The following CLYBL variants were observed in gnomAD, a reference collection of about 807,000 sequenced individuals.
CLYBL encodes the protein citramalyl-CoA lyase, mitochondrial.
A neutral mutation model predicts 38.9 loss-of-function variants in CLYBL; 31 were observed. The observed-to-expected ratio is 0.80, with a 90% CI of 0.60 to 1.08. The LOEUF (loss-of-function observed/expected upper bound fraction) is 1.08. Among genes scored for constraint, CLYBL ranks in the 50% least tolerant of loss-of-function variants. The pLI, the probability that CLYBL is intolerant of heterozygous loss-of-function variation, is 0.00. For missense variants in CLYBL, 434 were observed against 411.6 expected (o/e 1.05, Z -0.47); for synonymous variants, 171 against 158.6 (o/e 1.08, Z -0.59).
At chr13:99,830,952 A>G (rs1298250868) in intron 2 of CLYBL, among the ~76,000 whole-genome samples, 2 of 152,242 alleles carry the variant, frequency 1.3e-5, no homozygotes, top group East Asian at 3.8e-4. Flanking sequence ...CCAAAATCCA[A>G]TGACAAGTGT....
chr13:99,842,971 T>C (rs2051120227), intron 2 of CLYBL, among the ~76,000 whole-genome samples: 1 of 152,078 alleles, frequency 6.6e-6, no homozygotes, highest in Non-Finnish European at 1.5e-5. Flanking sequence ...ATTAACCACT[T>C]ACGTTATATG....
chr13:99,712,756 C>A (rs975764682), intron 1 of CLYBL, among the ~76,000 whole-genome samples: 2 of 152,262 alleles, frequency 1.3e-5, no homozygotes, highest in East Asian at 3.9e-4. Flanking sequence ...TAAAGGAATT[C>A]CTTCTGGAGT....
intron 7 of CLYBL, among the ~76,000 whole-genome samples, chr13:99,876,892 G>A (rs754455082): frequency 4.6e-5 from 7 of 152,202 alleles, no homozygotes; most frequent in Non-Finnish European, 8.8e-5. Flanking sequence ...TAGTTCCAAT[G>A]TATGTCTTTT....
At chr13:99,726,845 G>A (rs950792528) in intron 1 of CLYBL, among the ~76,000 whole-genome samples, 2 of 152,126 alleles carry the variant, frequency 1.3e-5, no homozygotes, top group Admixed American at 6.6e-5. Flanking sequence ...CACAAAAAAG[G>A]CGTGCAAGGA....
At chr13:99,901,861 T>C (rs1336915656), downstream of CLYBL, among the ~76,000 whole-genome samples, 2 of 152,138 alleles carry the variant, frequency 1.3e-5, no homozygotes, top group African/African-American at 4.8e-5. Flanking sequence ...GGTTTCATCA[T>C]GTTGGCCAGG....
At chr13:99,645,292 C>G (rs967291024) in intron 1 of CLYBL, among the ~76,000 whole-genome samples, 1 of 151,964 alleles carries the variant, frequency 6.6e-6, no homozygotes, top group Admixed American at 6.6e-5. Flanking sequence ...GTCAGGAGAT[C>G]GAGACCATCC....
chr13:99,775,999 TA>T lies in CLYBL; in HGVS notation c.249+2995del, dbSNP rs1266568157. Among the ~76,000 whole-genome samples the T allele has an allele frequency of 1.4e-3, 204 of 151,108 alleles. 1 individual carries two copies. The highest frequency in any genetic ancestry group is 4.7e-3 in the African/African-American group (194 of 41,200). On this transcript the variant is annotated intron_variant, in intron 2 of 8. Transcript: ENST00000339105. ...TAACATGGTGAAACCCCATCTCTACTAAAAAATACAAAAAATTAGCTGGGCG... is the reference window on the plus strand; with the variant it reads ...TAACATGGTGAAACCCCATCTCTACTAAAAATACAAAAAATTAGCTGGGCG...
chr13:99,858,546 C>T (rs1251537647), intron 2 of CLYBL, among the ~76,000 whole-genome samples: 1 of 152,194 alleles, frequency 6.6e-6, no homozygotes, highest in East Asian at 1.9e-4. Context: ...GAAAACTTAC[C>T]CATTAACTAT....
At chr13:99,778,489 G>A (rs565720528) in intron 2 of CLYBL, among the ~76,000 whole-genome samples, 4 of 152,174 alleles carry the variant, frequency 2.6e-5, no homozygotes, top group Admixed American at 2.0e-4. Context: ...GACTCTCTGT[G>A]AAGTATGGGC....
At chr13:99,631,408 C>A (rs1407641749) in intron 1 of CLYBL, among the ~76,000 whole-genome samples, 1 of 148,806 alleles carries the variant, frequency 6.7e-6, no homozygotes, top group Non-Finnish European at 1.5e-5. Flanking sequence ...ATAATATATA[C>A]ATATATTACA....
In CLYBL at chr13:99,791,387, G is replaced by A. The variant is rs541051070; in HGVS notation, c.249+18377G>A. 2.6e-5 allele frequency among the ~76,000 whole-genome samples: 4 copies of A among 152,122 alleles called. No homozygotes were observed. The East Asian group carries it at 5.8e-4, about 22-fold the overall frequency. ...AAAAAAAAACAAACAAAAAACAGCGGTGTCATTTTTAAAGAGGGTAAAGCT... is the reference window on the plus strand; with the variant it reads ...AAAAAAAAACAAACAAAAAACAGCGATGTCATTTTTAAAGAGGGTAAAGCT... On this transcript the variant is annotated intron_variant, in intron 2 of 8. Transcript: ENST00000339105.
intron 1 of CLYBL, among the ~76,000 whole-genome samples, chr13:99,736,606 G>A (rs2048672478): frequency 6.6e-6 from 1 of 152,110 alleles, no homozygotes; most frequent in South Asian, 2.1e-4. Context: ...AAAAAAATCT[G>A]TGGTGCCACT....
chr13:99,651,002 G>T (rs992848859), intron 1 of CLYBL, among the ~76,000 whole-genome samples: 1 of 152,114 alleles, frequency 6.6e-6, no homozygotes, highest in Non-Finnish European at 1.5e-5. Context: ...CTCTGCCATG[G>T]CTCATGCTGC....
At chr13:99,655,965 G>T (rs1031376273) in intron 1 of CLYBL, among the ~76,000 whole-genome samples, 1 of 152,204 alleles carries the variant, frequency 6.6e-6, no homozygotes, top group African/African-American at 2.4e-5. Flanking sequence ...CGCAGGTGCG[G>T]TCAAGACGAT....
intron 1 of CLYBL, among the ~76,000 whole-genome samples, chr13:99,607,216 G>A (rs989610014): frequency 6.6e-6 from 1 of 151,824 alleles, no homozygotes; most frequent in Non-Finnish European, 1.5e-5. Context: ...TTGTGCATGA[G>A]GAATTAAACC....
intron 1 of CLYBL, among the ~76,000 whole-genome samples, chr13:99,740,669 T>A (rs1256833581): frequency 6.6e-6 from 1 of 152,186 alleles, no homozygotes; most frequent in Non-Finnish European, 1.5e-5. Context: ...TCTCTCAAAC[T>A]GAGATTTTTG....
chr13:99,895,030 AC>A (rs2052557143), downstream of CLYBL: 1 of 152,084 alleles, frequency 6.6e-6, no homozygotes, highest in Admixed American at 6.6e-5. Flanking sequence ...TGAAGACTTC[AC>A]CGCCTCCGAT....
At chr13:99,874,478 G>A (rs2051988296) in intron 7 of CLYBL, among the ~76,000 whole-genome samples, 1 of 151,774 alleles carries the variant, frequency 6.6e-6, no homozygotes, top group Admixed American at 6.6e-5. Context: ...ATTAATATTT[G>A]AAAATTCTTC....
intron 1 of CLYBL, chr13:99,690,946 T>G (rs2047892760): frequency 6.6e-6 from 1 of 152,188 alleles, no homozygotes; most frequent in Non-Finnish European, 1.5e-5. Context: ...TCTCTCACAC[T>G]GAGACCTACC....
Sources: gnomAD v4.1 joint callset for allele counts (sites outside exome capture counted in the v4.1 genomes callset) on GRCh38, gnomAD v4.1.1 for gene constraint, MANE v1.5 for transcripts, NCBI Gene and HGNC (gene_info 2026-07-23, HGNC 2026-07-21) for gene names.